The following SP3 variants were observed in gnomAD, a reference collection of about 807,000 sequenced individuals.
SP3 encodes the protein transcription factor Sp3.
Under a neutral mutation model 70.3 loss-of-function variants are expected in SP3, and 10 were observed. The ratio of observed to expected loss-of-function variants is 0.14; its 90% confidence interval spans 0.09 to 0.24. The LOEUF is 0.24. Among genes scored for constraint, SP3 ranks in the 10% least tolerant of loss-of-function variants. SP3 has a pLI of 1.00. For missense variants in SP3, 825 were observed against 914.6 expected (o/e 0.90, Z 1.26); for synonymous variants, 402 against 333.5 (o/e 1.21, Z -2.24).
intron 4 of SP3, among the ~76,000 whole-genome samples, chr2:173,928,819 T>C (rs950080734): frequency 1.3e-5 from 2 of 152,220 alleles, no homozygotes; most frequent in African/African-American, 4.8e-5. Context: ...TTTTAGAATT[T>C]ATACATTTTT....
chr2:173,930,530 C>T (rs1690038735), intron 4 of SP3, among the ~76,000 whole-genome samples: 2 of 152,130 alleles, frequency 1.3e-5, no homozygotes, highest in African/African-American at 4.8e-5. Context: ...TCTAGCTCAT[C>T]TCTTTCTTAT....
intron 2 of SP3, chr2:173,964,190 C>A (rs1055404337): frequency 3.9e-5 from 18 of 460,154 alleles, no homozygotes; most frequent in African/African-American, 6.3e-5. Context: ...CACACTCACA[C>A]GCGCACAAAA....
intron 5 of SP3, chr2:173,916,638 G>A (rs1574398704): frequency 1.3e-5 from 2 of 151,914 alleles, no homozygotes; most frequent in East Asian, 3.9e-4. Context: ...GACTTTCAAA[G>A]GTTAAAAATA....
chr2:173,924,805 A>AC lies in SP3; in HGVS notation c.1640-6021_1640-6020insG, dbSNP rs1404381714. Among the ~76,000 whole-genome samples the AC allele has an allele frequency of 2.0e-5, 3 of 152,376 alleles. No individual in the cohort carries two copies. The East Asian group carries it at 5.8e-4, about 29-fold the overall frequency. On this transcript the variant is annotated intron_variant, in intron 4 of 6. Transcript: ENST00000310015. ...GCTTCCCTGTATATAAATATATGCAATTTTAATTAGTTTTAGTTTAATTAA... is the reference window on the plus strand; with the variant it reads ...GCTTCCCTGTATATAAATATATGCAACTTTTAATTAGTTTTAGTTTAATTAA...
intron 4 of SP3, among the ~76,000 whole-genome samples, chr2:173,923,465 A>C (rs920337206): frequency 6.6e-6 from 1 of 152,172 alleles, no homozygotes; most frequent in African/African-American, 2.4e-5. Flanking sequence ...TCTATTAAAA[A>C]TATTACAAGA....
At chr2:173,932,937 A>C in intron 4 of SP3, among the ~76,000 whole-genome samples, 1 of 152,188 alleles carries the variant, frequency 6.6e-6, no homozygotes, top group African/African-American at 2.4e-5. Flanking sequence ...GCTTGCAGTG[A>C]GCCAATATAG....
rs1689279672 is a variant in SP3 at position 173,905,193 on chromosome 2, T to C, written c.*4748A>G. 6.6e-6 allele frequency among the ~76,000 whole-genome samples: 1 copy of C among 152,320 alleles called. No homozygotes were observed. Among genetic ancestry groups the C allele is most frequent in the South Asian group, 2.1e-4 (1 of 4,828 alleles). ...TTCTCATTTTGGAAAAATCAATGTATGAACCATAGTCAAACAATGAAAATT... is the reference window on the plus strand; with the variant it reads ...TTCTCATTTTGGAAAAATCAATGTACGAACCATAGTCAAACAATGAAAATT... On this transcript the variant is annotated 3_prime_UTR_variant, in exon 7 of 7. Transcript: ENST00000310015.
chr2:173,965,435 C>T, upstream of SP3: 1 of 518,780 alleles, frequency 1.9e-6, no homozygotes, highest in South Asian at 2.3e-5. Context: ...TCTTTGTCGG[C>T]TGTGCTCATT....
intron 4 of SP3, among the ~76,000 whole-genome samples, chr2:173,924,637 T>C (rs529337914): frequency 3.9e-5 from 6 of 152,180 alleles, no homozygotes; most frequent in Non-Finnish European, 8.8e-5. Context: ...AAAGAGGTTA[T>C]GTAGTTTGCC....
At chr2:173,961,212 A>G (rs1691062330) in intron 3 of SP3, among the ~76,000 whole-genome samples, 1 of 152,186 alleles carries the variant, frequency 6.6e-6, no homozygotes, top group Admixed American at 6.5e-5. Flanking sequence ...TATATACGAG[A>G]CTGCTTTATG....
chr2:173,961,509 GCAAA>G (rs772230069), intron 3 of SP3, among the ~76,000 whole-genome samples: 5 of 152,172 alleles, frequency 3.3e-5, no homozygotes, highest in South Asian at 2.1e-4. Context: ...CTGGTGAAAC[GCAAA>G]CAAAGTCTGG....
rs998664082 is a variant in SP3, at chr2:173,901,493, A to G, written c.*8448T>C. Among the ~76,000 whole-genome samples, 1 of 152,158 alleles carries G rather than the reference A, an allele frequency of 6.6e-6. No homozygotes were observed. The highest frequency in any genetic ancestry group is 2.4e-5 in the African/African-American group (1 of 41,450). On this transcript the variant is annotated 3_prime_UTR_variant, in exon 7 of 7. Coordinates refer to ENST00000310015, the MANE Select transcript of SP3 (RefSeq NM_003111.5). ...ATAACCCCAAAAAGCAAGTGGGCAAAGGATTCAAACAGGCAACTCCCATCA... is the reference window on the plus strand; with the variant it reads ...ATAACCCCAAAAAGCAAGTGGGCAAGGGATTCAAACAGGCAACTCCCATCA...
Position 173,903,932 on chromosome 2 carries a change from G to A in SP3, c.*6009C>T, listed in dbSNP as rs542466114. Among the ~76,000 whole-genome samples, 5 of 150,844 alleles carry A rather than the reference G, an allele frequency of 3.3e-5. No individual in the cohort carries two copies. Among genetic ancestry groups the A allele is most frequent in the African/African-American group, 9.8e-5 (4 of 40,982 alleles). Reference sequence around the variant, plus strand: ...TTTTGTTGGTATTTCCTAGGACGGCGGTCCCCAAACTTTTTGGCACCAGGG... The same window carrying A: ...TTTTGTTGGTATTTCCTAGGACGGCAGTCCCCAAACTTTTTGGCACCAGGG... On this transcript the variant is annotated 3_prime_UTR_variant, in exon 7 of 7. Coordinates refer to ENST00000310015, the MANE Select transcript of SP3 (RefSeq NM_003111.5).
chr2:173,953,469 T>C (rs907190883), intron 4 of SP3, among the ~76,000 whole-genome samples: 1 of 149,988 alleles, frequency 6.7e-6, no homozygotes, highest in East Asian at 2.1e-4. Context: ...TCCCAGAACT[T>C]TGGGAGGCCC....
In SP3 at chr2:173,960,699, A is replaced by G. The variant is rs527705495; in HGVS notation, c.279+3062T>C. Among the ~76,000 whole-genome samples the G allele has an allele frequency of 5.9e-5, 9 of 152,286 alleles. 1 individual carries two copies. The highest frequency in any genetic ancestry group is 2.6e-4 in the Admixed American group (4 of 15,296). On this transcript the variant is annotated intron_variant, in intron 3 of 6. Transcript: ENST00000310015. ...TAGTCACTTATTTTAGGCCAGGCGC[A>G]GTGGCTTACGCCTGTAATCCCAGCA...
intron 5 of SP3, 150 bp downstream of exon 5, chr2:173,918,443 T>G (rs1689665024): frequency 1.4e-6 from 1 of 717,666 alleles, no homozygotes; most frequent in Admixed American, 2.9e-5. Context: ...CCATATATTT[T>G]GTTCTCTAAC....
intron 4 of SP3, among the ~76,000 whole-genome samples, chr2:173,942,436 C>T (rs1463985608): frequency 6.6e-6 from 1 of 152,136 alleles, no homozygotes; most frequent in Non-Finnish European, 1.5e-5. Context: ...CGTGGTGGCG[C>T]ATGCCTGTAA....
chr2:173,906,112 G>C lies in SP3; in HGVS notation c.*3829C>G, dbSNP rs977741250. On this transcript the variant is annotated 3_prime_UTR_variant, in exon 7 of 7. Coordinates refer to ENST00000310015, the MANE Select transcript of SP3 (RefSeq NM_003111.5). ...AAAAAATTCTTCTCTTTTGCAATTTGGCAGCCCCTCTTAAAAATTTTTCCA... is the reference window on the plus strand; with the variant it reads ...AAAAAATTCTTCTCTTTTGCAATTTCGCAGCCCCTCTTAAAAATTTTTCCA... Among the ~76,000 whole-genome samples, 4 of 152,088 alleles carry C rather than the reference G, an allele frequency of 2.6e-5. No homozygotes were observed. Among genetic ancestry groups the C allele is most frequent in the African/African-American group, 9.7e-5 (4 of 41,402 alleles).
Position 173,955,432 on chromosome 2 carries a change from A to G in SP3, c.1080T>C (p.Ser360=). ...QQNTNSLTTS[S]GQVHSSDLQG... is the part of the protein sequence containing the mutation. Reference sequence around the variant, plus strand: ...GAAGATCTGAAGAATGAACCTGCCCACTAGATGTAGTCAAGCTATTTGTGT... The same window carrying G: ...GAAGATCTGAAGAATGAACCTGCCCGCTAGATGTAGTCAAGCTATTTGTGT... Residue 360 remains serine, a synonymous_variant, in exon 4 of 7, where the codon AGT becomes AGC. Transcript: ENST00000310015. 1 of 1,614,136 alleles carries G rather than the reference A, an allele frequency of 6.2e-7. No individual in the cohort carries two copies. The highest frequency in any genetic ancestry group is 8.5e-7 in the Non-Finnish European group (1 of 1,180,020).
Sources: gnomAD v4.1 joint callset for allele counts (sites outside exome capture counted in the v4.1 genomes callset) on GRCh38, gnomAD v4.1.1 for gene constraint, MANE v1.5 for transcripts, NCBI Gene and HGNC (gene_info 2026-07-23, HGNC 2026-07-21) for gene names.